The following CLNK variants were observed in gnomAD, a reference collection of about 807,000 sequenced individuals.
CLNK encodes cytokine dependent hematopoietic cell linker.
CLNK carries 74 observed loss-of-function variants against 68.6 expected under a neutral mutation model. The ratio of observed to expected loss-of-function variants is 1.08; its 90% confidence interval spans 0.89 to 1.31. The LOEUF (loss-of-function observed/expected upper bound fraction) is 1.31. CLNK is among the 50% of genes most tolerant of loss of function. The pLI is 0.00. For missense variants in CLNK, 553 were observed against 515.3 expected (o/e 1.07, Z -0.71); for synonymous variants, 198 against 172.2 (o/e 1.15, Z -1.17).
chr4:10,507,213 G>C (rs540512742), intron 17 of CLNK, among the ~76,000 whole-genome samples: 1 of 151,948 alleles, frequency 6.6e-6, no homozygotes, highest in African/African-American at 2.4e-5. Flanking sequence ...CCGGCTTCAA[G>C]CGATTCTCTT....
chr4:10,719,753 G>T, the CLNK span, among the ~76,000 whole-genome samples: 1,474 of 152,220 alleles, frequency 9.7e-3, 8 homozygotes, highest in East Asian at 0.057. Context: ...TCCATCCGAT[G>T]ATGGCAGAAT....
intron 3 of CLNK, among the ~76,000 whole-genome samples, chr4:10,587,075 C>T (rs532601845): frequency 3.3e-5 from 5 of 152,096 alleles, no homozygotes; most frequent in African/African-American, 9.7e-5. Context: ...AGCCATTCTC[C>T]GGCCTCAGCC....
intron 11 of CLNK, among the ~76,000 whole-genome samples, chr4:10,532,566 C>A (rs1316558891): frequency 3.3e-5 from 5 of 152,218 alleles, no homozygotes; most frequent in African/African-American, 1.2e-4. Context: ...ATCATCATTT[C>A]TCCTGACATT....
chr4:10,517,052 A>C (rs999438573), intron 15 of CLNK, among the ~76,000 whole-genome samples: 2 of 152,208 alleles, frequency 1.3e-5, no homozygotes, highest in African/African-American at 4.8e-5. Context: ...GTTATTTTAT[A>C]AATAAAAGTT....
the CLNK span, among the ~76,000 whole-genome samples, chr4:10,715,612 G>T: frequency 9.5e-3 from 1,447 of 152,012 alleles, 31 homozygotes; most frequent in African/African-American, 0.033. Context: ...TTTATATTTT[G>T]TTGTTGTCTT....
chr4:10,508,831 G>C (rs1310814298), intron 16 of CLNK, among the ~76,000 whole-genome samples: 2 of 145,258 alleles, frequency 1.4e-5, no homozygotes, highest in African/African-American at 5.0e-5. Context: ...ATCTGGGCTG[G>C]GTGTGGTGGC....
chr4:10,577,342 A>G (rs1371795664), intron 4 of CLNK, among the ~76,000 whole-genome samples: 4 of 152,172 alleles, frequency 2.6e-5, no homozygotes, highest in Non-Finnish European at 5.9e-5. Context: ...TTGAAAATTG[A>G]GGGGTCTGTG....
At position 10,564,243 on chromosome 4, in the gene CLNK, T is replaced by C. The variant is rs1382587639; in HGVS notation, c.399+428A>G. 3.3e-5 allele frequency among the ~76,000 whole-genome samples: 5 copies of C among 152,272 alleles called. No homozygotes were observed. The East Asian group carries it at 7.7e-4, about 24-fold the overall frequency. Reference sequence around the variant, plus strand: ...TTTCTGTTTTTCCCTCTTTGGTAGATAAAGTTACTAGGAGGCTTAGAGAGG... The same window carrying C: ...TTTCTGTTTTTCCCTCTTTGGTAGACAAAGTTACTAGGAGGCTTAGAGAGG... On this transcript the variant is annotated intron_variant, in intron 7 of 18. Transcript: ENST00000226951.
intron 7 of CLNK, among the ~76,000 whole-genome samples, chr4:10,559,139 G>A (rs949278039): frequency 6.6e-6 from 1 of 152,146 alleles, no homozygotes; most frequent in Non-Finnish European, 1.5e-5. Flanking sequence ...AAGACATAAA[G>A]GTGAAGAAGA....
intron 11 of CLNK, among the ~76,000 whole-genome samples, chr4:10,533,754 G>T (rs746580270): frequency 9.9e-5 from 15 of 152,236 alleles, no homozygotes; most frequent in Non-Finnish European, 1.9e-4. Flanking sequence ...GTGTATTAAA[G>T]ATACTGAAAG....
chr4:10,511,899 T>G (rs1477622106), intron 16 of CLNK, among the ~76,000 whole-genome samples: 2 of 152,248 alleles, frequency 1.3e-5, no homozygotes, highest in Admixed American at 1.3e-4. Context: ...CTAAAGTCAC[T>G]TTCTACAATA....
At position 10,525,847 on chromosome 4, in the gene CLNK, AT is replaced by A; in HGVS notation, c.724del (p.Ile242LeufsTer83). 1.3e-6 allele frequency: 2 copies of A among 1,577,288 alleles called. No homozygotes were observed. The highest frequency in any genetic ancestry group is 1.7e-6 in the Non-Finnish European group (2 of 1,158,054). On this transcript the variant is annotated frameshift_variant, in exon 14 of 19. Transcript: ENST00000226951. LOFTEE classifies it high-confidence loss of function. ...NQNTQEIPLA[I>X]SSSSFTTSNH... is the part of the protein sequence containing the mutation. ...AGGATTCCTGGCTCCTTACCTGCTAATGGCAAGTGGAATCTCTTGAGTATTT... is the reference window on the plus strand; with the variant it reads ...AGGATTCCTGGCTCCTTACCTGCTAAGGCAAGTGGAATCTCTTGAGTATTT...
intron 4 of CLNK, among the ~76,000 whole-genome samples, chr4:10,581,974 C>T (rs546033815): frequency 5.9e-5 from 9 of 152,178 alleles, no homozygotes; most frequent in African/African-American, 2.4e-5. Flanking sequence ...GATTCCCTGG[C>T]CTTACCATAT....
At chr4:10,611,700 CAG>C (rs1475655805) in intron 2 of CLNK, among the ~76,000 whole-genome samples, 1 of 152,122 alleles carries the variant, frequency 6.6e-6, no homozygotes, top group Non-Finnish European at 1.5e-5. Flanking sequence ...AATGAGAAGA[CAG>C]AGTGAGGCCC....
intron 2 of CLNK, among the ~76,000 whole-genome samples, chr4:10,649,773 C>T (rs1451815968): frequency 7.5e-6 from 1 of 133,390 alleles, no homozygotes; most frequent in African/African-American, 3.0e-5. Flanking sequence ...TTCCTTTAGG[C>T]ACCCCAAAAA....
At chr4:10,664,894 G>A (rs906647005) in intron 2 of CLNK, among the ~76,000 whole-genome samples, 3 of 152,222 alleles carry the variant, frequency 2.0e-5, no homozygotes, top group African/African-American at 4.8e-5. Context: ...TACTGATGGA[G>A]GCGTTCTAAT....
chr4:10,532,807 G>T (rs1436191749), intron 11 of CLNK, among the ~76,000 whole-genome samples: 1 of 152,158 alleles, frequency 6.6e-6, no homozygotes, highest in African/African-American at 2.4e-5. Context: ...ACATGGAATT[G>T]AATAATATGA....
At chr4:10,574,501 T>C (rs561280998) in intron 4 of CLNK, among the ~76,000 whole-genome samples, 3 of 152,290 alleles carry the variant, frequency 2.0e-5, no homozygotes, top group South Asian at 4.1e-4. Flanking sequence ...ATCACCCTGG[T>C]CTGCCTTCCG....
intron 1 of CLNK, among the ~76,000 whole-genome samples, chr4:10,670,132 G>A (rs1433335707): frequency 1.3e-5 from 2 of 152,148 alleles, no homozygotes; most frequent in African/African-American, 4.8e-5. Context: ...TGAAACATAT[G>A]AAAATGTCTT....
Sources: allele counts gnomAD v4.1 joint callset (sites outside exome capture counted in the v4.1 genomes callset), GRCh38; gene constraint gnomAD v4.1.1; transcripts MANE v1.5; gene names NCBI Gene and HGNC (gene_info 2026-07-23, HGNC 2026-07-21).